PITPNC1: variants seen among roughly 807,000 people sequenced by gnomAD.
PITPNC1 encodes the protein cytoplasmic phosphatidylinositol transfer protein 1.
In PITPNC1, 18 loss-of-function variants were observed where a neutral mutation model predicts 44.7. The observed-to-expected ratio is 0.40, with a 90% CI of 0.28 to 0.60. The LOEUF is 0.60. PITPNC1 is among the 20% of genes least tolerant of loss of function. The pLI is 0.39. For synonymous variants in PITPNC1, 141 were observed against 149.6 expected (o/e 0.94, Z 0.42); for missense variants, 290 against 418.4 (o/e 0.69, Z 2.68).
chr17:67,559,000 G>A (rs555137285), intron 4 of PITPNC1, among the ~76,000 whole-genome samples: 1 of 152,250 alleles, frequency 6.6e-6, no homozygotes, highest in South Asian at 2.1e-4. Context: ...GTGGCCATGG[G>A]GAGAATGAGG....
At chr17:67,622,257 A>C (rs1356555158) in intron 5 of PITPNC1, among the ~76,000 whole-genome samples, 1 of 55,104 alleles carries the variant, frequency 1.8e-5, no homozygotes, top group Admixed American at 1.8e-4. Flanking sequence ...ACTGCATCTC[A>C]AAAAAAAAAA....
intron 1 of PITPNC1, among the ~76,000 whole-genome samples, chr17:67,380,231 C>T (rs1320025005): frequency 1.3e-5 from 2 of 152,066 alleles, no homozygotes; most frequent in African/African-American, 2.4e-5. Flanking sequence ...CCTGCCACCA[C>T]GTCTGGCTAA....
At chr17:67,391,619 TGCAGGTACCCACCGCCACGCCCG>T (rs1439243454) in intron 1 of PITPNC1, among the ~76,000 whole-genome samples, 1 of 152,096 alleles carries the variant, frequency 6.6e-6, no homozygotes, top group Non-Finnish European at 1.5e-5. Context: ...TAGCTGGGAT[TGCAGGTACCCACCGCCACGCCCG>T]GCTAATTTTT....
chr17:67,604,033 A>T (rs1364193833), intron 5 of PITPNC1, among the ~76,000 whole-genome samples: 1 of 151,912 alleles, frequency 6.6e-6, no homozygotes, highest in Non-Finnish European at 1.5e-5. Context: ...GAAATAAGTC[A>T]CTCCCATCTT....
intron 1 of PITPNC1, among the ~76,000 whole-genome samples, chr17:67,378,458 A>T (rs1203010788): frequency 6.6e-6 from 1 of 152,070 alleles, no homozygotes; most frequent in Non-Finnish European, 1.5e-5. Context: ...GTTGGGGATC[A>T]CTATGAGCCA....
intron 1 of PITPNC1, among the ~76,000 whole-genome samples, chr17:67,422,247 C>G (rs775863211): frequency 5.3e-5 from 8 of 152,206 alleles, no homozygotes; most frequent in Non-Finnish European, 8.8e-5. Context: ...ATTCCTTTGA[C>G]ATTGTCTACT....
At chr17:67,499,956 C>T (rs888658474) in intron 1 of PITPNC1, among the ~76,000 whole-genome samples, 1 of 152,202 alleles carries the variant, frequency 6.6e-6, no homozygotes, top group African/African-American at 2.4e-5. Flanking sequence ...TGGTGAGCCT[C>T]CATCGTTTTA....
intron 5 of PITPNC1, among the ~76,000 whole-genome samples, chr17:67,616,751 C>T (rs1168267354): frequency 6.6e-6 from 1 of 152,182 alleles, no homozygotes; most frequent in Admixed American, 6.6e-5. Context: ...ACTTTGTTAT[C>T]CTTTTTACTC....
At chr17:67,390,043 CA>C (rs2038114478) in intron 1 of PITPNC1, among the ~76,000 whole-genome samples, 1 of 150,210 alleles carries the variant, frequency 6.7e-6, no homozygotes, top group African/African-American at 2.4e-5. Context: ...TACCCATGTT[CA>C]GAGAGAGAGA....
At chr17:67,650,327 T>C (rs2042195553) in intron 6 of PITPNC1, among the ~76,000 whole-genome samples, 2 of 152,054 alleles carry the variant, frequency 1.3e-5, no homozygotes, top group Admixed American at 1.3e-4. Flanking sequence ...CCTAGGGTGA[T>C]TTTTCCCAGC....
chr17:67,384,455 T>TCA (rs1490365178), intron 1 of PITPNC1, among the ~76,000 whole-genome samples: 2 of 150,454 alleles, frequency 1.3e-5, no homozygotes, highest in East Asian at 3.9e-4. Flanking sequence ...AGACGGAGTC[T>TCA]CGCTCTTTCG....
At chr17:67,661,158 C>T (rs1443765411) in intron 6 of PITPNC1, among the ~76,000 whole-genome samples, 4 of 151,482 alleles carry the variant, frequency 2.6e-5, no homozygotes, top group African/African-American at 9.7e-5. Context: ...GAATCACATT[C>T]TTAAATTAGC....
intron 1 of PITPNC1, among the ~76,000 whole-genome samples, chr17:67,402,750 T>C (rs2038337229): frequency 6.6e-6 from 1 of 152,202 alleles, no homozygotes; most frequent in African/African-American, 2.4e-5. Flanking sequence ...CACTGCAATC[T>C]TCCCCTCCCT....
chr17:67,468,728 G>A (rs903504863), intron 1 of PITPNC1, among the ~76,000 whole-genome samples: 8 of 119,912 alleles, frequency 6.7e-5, no homozygotes, highest in East Asian at 5.0e-4. Flanking sequence ...ACGGAGTCTT[G>A]TTCTGTTGCC....
intron 5 of PITPNC1, among the ~76,000 whole-genome samples, chr17:67,590,455 G>A (rs1361664552): frequency 6.6e-6 from 1 of 152,076 alleles, no homozygotes; most frequent in Non-Finnish European, 1.5e-5. Context: ...TATTTTTTGT[G>A]TAATTTAAGT....
At chr17:67,559,918 G>A (rs1334850171) in intron 4 of PITPNC1, among the ~76,000 whole-genome samples, 3 of 152,046 alleles carry the variant, frequency 2.0e-5, no homozygotes, top group Admixed American at 6.6e-5. Context: ...AAACAAAGAA[G>A]ATTATGTGAG....
chr17:67,527,599 A>T (rs2040407026), intron 1 of PITPNC1, among the ~76,000 whole-genome samples: 1 of 152,152 alleles, frequency 6.6e-6, no homozygotes, highest in Non-Finnish European at 1.5e-5. Flanking sequence ...GCTACTGAGG[A>T]GGCTGAGCAG....
At chr17:67,531,319 C>T (rs1162756006) in intron 1 of PITPNC1, among the ~76,000 whole-genome samples, 1 of 152,238 alleles carries the variant, frequency 6.6e-6, no homozygotes, top group African/African-American at 2.4e-5. Context: ...GTGCTGCCCA[C>T]TTCCTGCAAG....
intron 1 of PITPNC1, among the ~76,000 whole-genome samples, chr17:67,446,363 C>G (rs55747423): frequency 0.019 from 2,820 of 151,426 alleles, 119 homozygotes; most frequent in African/African-American, 0.065. Context: ...ACAACCGATT[C>G]TTTTGCTGCA....
Sources: allele counts gnomAD v4.1 joint callset (sites outside exome capture counted in the v4.1 genomes callset), GRCh38; gene constraint gnomAD v4.1.1; transcripts MANE v1.5; gene names NCBI Gene and HGNC (gene_info 2026-07-23, HGNC 2026-07-21).